Variants in DLG1 observed in about 807,000 individuals in gnomAD.
DLG1 encodes discs large MAGUK scaffold protein 1.
Under a neutral mutation model 123.4 loss-of-function variants are expected in DLG1, and 42 were observed. The observed-to-expected ratio is 0.34, with a 90% confidence interval of 0.27 to 0.44. DLG1 has a LOEUF of 0.44. DLG1 is among the 20% of genes least tolerant of loss of function. The pLI is 1.00. For synonymous variants in DLG1, 317 were observed against 356.2 expected (o/e 0.89, Z 1.24); for missense variants, 942 against 1,082.6 (o/e 0.87, Z 1.82).
At chr3:197,064,436 G>A (rs550755454) in intron 22 of DLG1, among the ~76,000 whole-genome samples, 8 of 152,180 alleles carry the variant, frequency 5.3e-5, no homozygotes, top group Non-Finnish European at 1.0e-4. Flanking sequence ...CAGGTGATCC[G>A]CCTGCCTTGG....
intron 5 of DLG1, among the ~76,000 whole-genome samples, chr3:197,162,137 T>C (rs1283857193): frequency 4.6e-5 from 7 of 152,170 alleles, no homozygotes; most frequent in Non-Finnish European, 1.0e-4. Flanking sequence ...AAAGTAATTT[T>C]ATTAGCCCAA....
chr3:197,083,945 C>T (rs573763066), intron 16 of DLG1, among the ~76,000 whole-genome samples: 13 of 152,172 alleles, frequency 8.5e-5, no homozygotes, highest in Non-Finnish European at 1.2e-4. Flanking sequence ...TGCACTCCAG[C>T]GTGGGCGACA....
intron 4 of DLG1, among the ~76,000 whole-genome samples, chr3:197,216,508 A>G (rs1200004993): frequency 2.6e-5 from 4 of 152,234 alleles, no homozygotes; most frequent in South Asian, 2.1e-4. Context: ...ATGGAGTCAC[A>G]TAAGATTTCC....
chr3:197,060,565 T>A (rs1482488387), intron 22 of DLG1, among the ~76,000 whole-genome samples: 2 of 152,228 alleles, frequency 1.3e-5, no homozygotes, highest in African/African-American at 4.8e-5. Context: ...TAAACAAATT[T>A]GTGAAACCTC....
At chr3:197,261,272 T>C (rs919865475) in intron 4 of DLG1, among the ~76,000 whole-genome samples, 1 of 152,172 alleles carries the variant, frequency 6.6e-6, no homozygotes, top group Non-Finnish European at 1.5e-5. Flanking sequence ...CACACTCCCC[T>C]ATACAAATGC....
chr3:197,136,348 G>A (rs1350723924), intron 10 of DLG1, 194 bp downstream of exon 10: 3 of 521,982 alleles, frequency 5.7e-6, no homozygotes, highest in Non-Finnish European at 1.0e-5. Flanking sequence ...AAGGGAGGAG[G>A]AGCTAGCAGA....
At chr3:197,097,043 G>T (rs1287804642) in intron 14 of DLG1, among the ~76,000 whole-genome samples, 1 of 152,178 alleles carries the variant, frequency 6.6e-6, no homozygotes, top group Non-Finnish European at 1.5e-5. Context: ...CTCAGACACT[G>T]TGAGATTTCC....
intron 23 of DLG1, among the ~76,000 whole-genome samples, chr3:197,053,670 G>A (rs6779411): frequency 0.14 from 20,906 of 151,666 alleles, 2,043 homozygotes; most frequent in African/African-American, 0.28. Context: ...TACTAGGGAG[G>A]CTGAGGCAAG....
chr3:197,116,320 C>T (rs1773253610), intron 12 of DLG1, among the ~76,000 whole-genome samples: 1 of 150,708 alleles, frequency 6.6e-6, no homozygotes, highest in South Asian at 2.1e-4. Context: ...GAAATGAAAC[C>T]AAAACAGAAA....
At chr3:197,085,169 C>G (rs1373350983) in intron 16 of DLG1, 1 of 165,200 alleles carries the variant, frequency 6.1e-6, no homozygotes, top group Non-Finnish European at 1.3e-5. Flanking sequence ...ATAATTACTA[C>G]AGTCAACCTA....
At chr3:197,193,749 T>C (rs1033287207) in intron 5 of DLG1, among the ~76,000 whole-genome samples, 2 of 152,010 alleles carry the variant, frequency 1.3e-5, no homozygotes, top group Admixed American at 6.6e-5. Context: ...CTCAGGATTA[T>C]AGTTACTTCT....
At chr3:197,188,666 G>A (rs143617900) in intron 5 of DLG1, among the ~76,000 whole-genome samples, 3 of 152,034 alleles carry the variant, frequency 2.0e-5, no homozygotes, top group Admixed American at 6.6e-5. Flanking sequence ...TACATGCAGC[G>A]TAACAGCTGT....
intron 4 of DLG1, among the ~76,000 whole-genome samples, chr3:197,238,510 A>G (rs1168074630): frequency 2.6e-5 from 4 of 152,232 alleles, no homozygotes; most frequent in African/African-American, 7.2e-5. Flanking sequence ...CAATAACACT[A>G]AAGACTCAAT....
At chr3:197,221,304 G>A (rs1315151854) in intron 4 of DLG1, among the ~76,000 whole-genome samples, 2 of 152,110 alleles carry the variant, frequency 1.3e-5, no homozygotes, top group Non-Finnish European at 2.9e-5. Flanking sequence ...GATCACCTGA[G>A]GTCAGGAGTT....
At chr3:197,104,032 T>G (rs1579253984) in intron 14 of DLG1, among the ~76,000 whole-genome samples, 1 of 152,226 alleles carries the variant, frequency 6.6e-6, no homozygotes, top group South Asian at 2.1e-4. Flanking sequence ...CTTAGTAAAG[T>G]CACATCCACC....
chr3:197,089,677 C>T (rs1419128318), intron 15 of DLG1, among the ~76,000 whole-genome samples: 5 of 151,608 alleles, frequency 3.3e-5, no homozygotes, highest in South Asian at 2.1e-4. Context: ...AAATAAAAGG[C>T]AACACCTATT....
intron 4 of DLG1, among the ~76,000 whole-genome samples, chr3:197,272,883 T>A (rs1186950457): frequency 6.6e-6 from 1 of 152,214 alleles, no homozygotes; most frequent in East Asian, 1.9e-4. Flanking sequence ...GGGGTACTGG[T>A]ATTTTTCTTT....
intron 4 of DLG1, among the ~76,000 whole-genome samples, chr3:197,216,995 A>G (rs1034526313): frequency 6.6e-6 from 1 of 152,244 alleles, no homozygotes; most frequent in African/African-American, 2.4e-5. Flanking sequence ...AAGTCTTCAC[A>G]TGACAATATT....
intron 5 of DLG1, among the ~76,000 whole-genome samples, chr3:197,191,177 T>G (rs1431841342): frequency 6.6e-6 from 1 of 152,126 alleles, no homozygotes; most frequent in East Asian, 1.9e-4. Context: ...AGCATCCCAG[T>G]TATGTGAATT....
Sources: allele counts gnomAD v4.1 joint callset (sites outside exome capture counted in the v4.1 genomes callset), GRCh38; gene constraint gnomAD v4.1.1; transcripts MANE v1.5; gene names NCBI Gene and HGNC (gene_info 2026-07-23, HGNC 2026-07-21).